PCLO: variants seen among roughly 807,000 people sequenced by gnomAD.
The protein encoded by PCLO is piccolo presynaptic cytomatrix protein.
In PCLO, 82 loss-of-function variants were observed where a neutral mutation model predicts 427.5. The ratio of observed to expected loss-of-function variants is 0.19; its 90% CI spans 0.16 to 0.23. PCLO has a LOEUF of 0.23. Ranked by LOEUF, PCLO falls within the 10% of genes least tolerant of loss-of-function variation. PCLO has a pLI of 1.00. For synonymous variants in PCLO, 2,357 were observed against 2,155.4 expected (o/e 1.09, Z -2.59); for missense variants, 6,239 against 6,115.9 (o/e 1.02, Z -0.67).
chr7:82,939,000 C>T (rs1795018919), intron 6 of PCLO, among the ~76,000 whole-genome samples: 1 of 151,902 alleles, frequency 6.6e-6, no homozygotes, highest in South Asian at 2.1e-4. Context: ...GTATATTCCC[C>T]TTTTTCTTTT....
intron 3 of PCLO, among the ~76,000 whole-genome samples, chr7:83,091,066 G>GT (rs757476690): frequency 8.6e-5 from 13 of 151,954 alleles, no homozygotes; most frequent in Non-Finnish European, 1.6e-4. Context: ...ACCTATTTTA[G>GT]TTTCCTAGAA....
chr7:83,029,828 G>T (rs895218248), intron 3 of PCLO, among the ~76,000 whole-genome samples: 2 of 145,078 alleles, frequency 1.4e-5, no homozygotes, highest in African/African-American at 5.1e-5. Flanking sequence ...GGATGAAATT[G>T]GAAATCATCA....
At chr7:82,848,681 A>G (rs1321457038) in intron 10 of PCLO, among the ~76,000 whole-genome samples, 1 of 152,156 alleles carries the variant, frequency 6.6e-6, no homozygotes, top group Non-Finnish European at 1.5e-5. Context: ...CATTGGCTCC[A>G]ATGGGAAATT....
intron 3 of PCLO, among the ~76,000 whole-genome samples, chr7:83,074,534 G>C (rs1339147613): frequency 6.6e-6 from 1 of 152,000 alleles, no homozygotes; most frequent in Non-Finnish European, 1.5e-5. Flanking sequence ...AGTGTCTACT[G>C]ATCTGATCCA....
chr7:82,976,895 T>A (rs1159255863), intron 3 of PCLO, among the ~76,000 whole-genome samples: 1 of 152,202 alleles, frequency 6.6e-6, no homozygotes, highest in East Asian at 1.9e-4. Flanking sequence ...TGAAACATTT[T>A]TATCATTTTT....
chr7:83,014,338 C>T (rs185350509), intron 3 of PCLO, among the ~76,000 whole-genome samples: 14 of 152,154 alleles, frequency 9.2e-5, no homozygotes, highest in Admixed American at 7.2e-4. Context: ...CAGGAATTTA[C>T]AAGAATTATT....
intron 13 of PCLO, among the ~76,000 whole-genome samples, chr7:82,844,494 T>A (rs1008228477): frequency 2.6e-5 from 4 of 152,182 alleles, no homozygotes; most frequent in Non-Finnish European, 5.9e-5. Context: ...CTTTATTTTT[T>A]ATGTCTGGTC....
chr7:83,001,505 A>AACACACACACAC (rs3035080), intron 3 of PCLO, among the ~76,000 whole-genome samples: 1,955 of 149,106 alleles, frequency 0.013, 54 homozygotes, highest in African/African-American at 0.046. Context: ...CACACATACA[A>AACACACACACAC]ACACACACAC....
Position 82,833,750 on chromosome 7 carries a change from C to T in PCLO, c.14249+1917G>A, listed in dbSNP as rs186925027. On this transcript the variant is annotated intron_variant, in intron 16 of 24. Coordinates refer to ENST00000333891, the MANE Select transcript of PCLO (RefSeq NM_033026.6). The stretch of plus-strand genomic sequence containing the variant: ...GCAAAAAAATGTATGATACACATTG[C>T]TAGCAATAATAATAACAACTACTAT... Among the ~76,000 whole-genome samples the T allele has an allele frequency of 5.3e-5, 8 of 152,188 alleles. No homozygotes were observed. The East Asian group carries it at 1.5e-3, about 29-fold the overall frequency.
intron 22 of PCLO, among the ~76,000 whole-genome samples, chr7:82,771,570 T>C (rs1790647775): frequency 6.6e-6 from 1 of 152,088 alleles, no homozygotes; most frequent in African/African-American, 2.4e-5. Flanking sequence ...TATCTTGTTT[T>C]TTAGCAACCA....
intron 8 of PCLO, 30 bp from the exon 9 acceptor site, chr7:82,902,771 C>A (rs1794079940): frequency 1.7e-6 from 2 of 1,203,364 alleles, no homozygotes; most frequent in Admixed American, 1.7e-5. Flanking sequence ...AGGTAAAAAA[C>A]CAGCATTAAA....
At chr7:83,014,723 G>A (rs928660970) in intron 3 of PCLO, among the ~76,000 whole-genome samples, 5 of 152,064 alleles carry the variant, frequency 3.3e-5, no homozygotes, top group Non-Finnish European at 7.4e-5. Flanking sequence ...ACCATTTGAG[G>A]AGGATGTATC....
At chr7:83,049,880 C>T (rs543675682) in intron 3 of PCLO, among the ~76,000 whole-genome samples, 2 of 152,026 alleles carry the variant, frequency 1.3e-5, no homozygotes, top group Admixed American at 6.6e-5. Flanking sequence ...TTCACTGCTA[C>T]GATTTAACAA....
At chr7:82,843,196 A>G (rs1195185479) in intron 13 of PCLO, among the ~76,000 whole-genome samples, 1 of 152,172 alleles carries the variant, frequency 6.6e-6, no homozygotes, top group Non-Finnish European at 1.5e-5. Flanking sequence ...TGTGTTACAT[A>G]TACACAACAG....
intron 9 of PCLO, among the ~76,000 whole-genome samples, chr7:82,887,690 A>C (rs535672031): frequency 6.6e-6 from 1 of 152,326 alleles, no homozygotes; most frequent in Non-Finnish European, 1.5e-5. Context: ...CTGAGTAAAT[A>C]AATCCACATT....
intron 3 of PCLO, among the ~76,000 whole-genome samples, chr7:83,055,420 G>A (rs1235725270): frequency 6.6e-6 from 1 of 152,116 alleles, no homozygotes; most frequent in African/African-American, 2.4e-5. Context: ...AACTAAGGGA[G>A]CCTTATGAAG....
chr7:82,987,562 C>T (rs1396530497), intron 3 of PCLO, among the ~76,000 whole-genome samples: 1 of 151,962 alleles, frequency 6.6e-6, no homozygotes, highest in Non-Finnish European at 1.5e-5. Context: ...ACTTTGGCAT[C>T]AAGCAGTAGA....
intron 10 of PCLO, among the ~76,000 whole-genome samples, chr7:82,874,720 G>T (rs1008384561): frequency 6.6e-6 from 1 of 151,828 alleles, no homozygotes; most frequent in African/African-American, 2.4e-5. Flanking sequence ...AATATAAAAA[G>T]GTATATAATA....
At chr7:82,777,007 A>C (rs184081688) in intron 22 of PCLO, among the ~76,000 whole-genome samples, 1 of 152,092 alleles carries the variant, frequency 6.6e-6, no homozygotes, top group Non-Finnish European at 1.5e-5. Context: ...AATTTGAGAT[A>C]TTCCCAACTT....
Sources: allele counts gnomAD v4.1 joint callset (sites outside exome capture counted in the v4.1 genomes callset), GRCh38; gene constraint gnomAD v4.1.1; transcripts MANE v1.5; gene names NCBI Gene and HGNC (gene_info 2026-07-23, HGNC 2026-07-21).